TTC39C: variants seen among roughly 807,000 people sequenced by gnomAD.
TTC39C encodes the protein tetratricopeptide repeat domain 39C.
Under a neutral mutation model 76.3 loss-of-function variants are expected in TTC39C, and 33 were observed. The ratio of observed to expected loss-of-function variants is 0.43; its 90% CI spans 0.33 to 0.58. TTC39C has a LOEUF of 0.58. Ranked by LOEUF, TTC39C falls within the 20% of genes least tolerant of loss-of-function variation. The pLI is 0.04. For missense variants in TTC39C, 595 were observed against 701.4 expected (o/e 0.85, Z 1.71); for synonymous variants, 254 against 260.6 (o/e 0.97, Z 0.24).
At chr18:24,089,842 G>A (rs544517091) in intron 6 of TTC39C, among the ~76,000 whole-genome samples, 2 of 152,170 alleles carry the variant, frequency 1.3e-5, no homozygotes, top group South Asian at 4.1e-4. Context: ...GTAAGTAAGT[G>A]GGTTGTTGCA....
In TTC39C at chr18:24,132,804, G is replaced by A; in HGVS notation, c.*230G>A. 4.9e-6 allele frequency: 2 copies of A among 411,500 alleles called. No individual in the cohort carries two copies. The highest frequency in any genetic ancestry group is 8.6e-6 in the Non-Finnish European group (2 of 233,324). The allele number at this position is 411,500 out of a possible 1,614,324, so 25.5% of individuals were successfully genotyped here. A position where few individuals can be genotyped will look rare whatever the true frequency, so the allele number is the denominator to read the frequency against. On this transcript the variant is annotated 3_prime_UTR_variant, in exon 14 of 14. Transcript: ENST00000317571. ...TGATGGTAATAATAACTAACCACCT[G>A]GGGAGAGGGTTAAGTGACCTTGCTC...
chr18:24,057,960 C>T (rs572347755), intron 1 of TTC39C, among the ~76,000 whole-genome samples: 6 of 152,164 alleles, frequency 3.9e-5, no homozygotes, highest in Admixed American at 6.5e-5. Context: ...GGTACATATA[C>T]TGTGGAATAC....
intron 4 of TTC39C, among the ~76,000 whole-genome samples, chr18:24,073,505 C>T (rs1218720435): frequency 2.7e-5 from 4 of 150,884 alleles, no homozygotes; most frequent in Admixed American, 1.3e-4. Context: ...CTTTGTACAG[C>T]ATTCCCTCCT....
intron 5 of TTC39C, 75 bp from the exon 6 acceptor site, chr18:24,082,838 A>C (rs2084393419): frequency 4.1e-6 from 6 of 1,453,410 alleles, no homozygotes; most frequent in Non-Finnish European, 5.6e-6. Flanking sequence ...GGAAGAACAC[A>C]TACTGGAGTT....
intron 1 of TTC39C, chr18:24,020,426 C>A: frequency 2.1e-6 from 1 of 485,002 alleles, no homozygotes. Flanking sequence ...AACACTTGTA[C>A]AAATACACAA....
At chr18:24,086,662 C>T (rs1252547417) in intron 6 of TTC39C, among the ~76,000 whole-genome samples, 2 of 152,198 alleles carry the variant, frequency 1.3e-5, no homozygotes, top group African/African-American at 2.4e-5. Flanking sequence ...TCCCTTGTCT[C>T]GCTGCCTCCG....
intron 6 of TTC39C, among the ~76,000 whole-genome samples, chr18:24,097,754 G>A (rs2084608776): frequency 6.6e-6 from 1 of 152,152 alleles, no homozygotes; most frequent in Admixed American, 6.5e-5. Flanking sequence ...TTTTTGTAAA[G>A]TGTCAGTGAT....
upstream of TTC39C, chr18:24,014,600 G>T (rs1302746341): frequency 3.3e-6 from 1 of 300,710 alleles, no homozygotes. Flanking sequence ...CGAGTTGGGT[G>T]CTTCGGAGGG....
At chr18:24,130,632 C>T (rs985929882) in intron 12 of TTC39C, among the ~76,000 whole-genome samples, 3 of 152,040 alleles carry the variant, frequency 2.0e-5, no homozygotes, top group African/African-American at 7.2e-5. Flanking sequence ...ATTCAAATTA[C>T]AGTCATACAT....
chr18:24,092,700 G>A (rs756435094), intron 6 of TTC39C, among the ~76,000 whole-genome samples: 15 of 152,190 alleles, frequency 9.9e-5, no homozygotes, highest in Non-Finnish European at 2.1e-4. Context: ...GCAGAAAATA[G>A]ATTATTGCTT....
intron 7 of TTC39C, among the ~76,000 whole-genome samples, chr18:24,116,079 C>CT (rs1251984148): frequency 1.3e-5 from 2 of 152,190 alleles, no homozygotes; most frequent in Admixed American, 6.5e-5. Context: ...TGAGTTGGTA[C>CT]TTTTTCCTGA....
At chr18:24,116,825 T>TG (rs1355333146) in intron 7 of TTC39C, among the ~76,000 whole-genome samples, 6 of 145,506 alleles carry the variant, frequency 4.1e-5, no homozygotes, top group Non-Finnish European at 6.0e-5. Context: ...CTTAGTTTTT[T>TG]TTTTTTTTTT....
intron 3 of TTC39C, among the ~76,000 whole-genome samples, chr18:24,067,146 A>G (rs2145735487): frequency 6.6e-6 from 1 of 152,300 alleles, no homozygotes; most frequent in East Asian, 1.9e-4. Context: ...AACTTATTCA[A>G]GTTTGTTTTG....
chr18:24,011,381 C>T (rs1211273631), upstream of TTC39C, among the ~76,000 whole-genome samples: 1 of 152,176 alleles, frequency 6.6e-6, no homozygotes, highest in Non-Finnish European at 1.5e-5. Context: ...AATGCCTTCC[C>T]GCTGGATGTA....
intron 10 of TTC39C, among the ~76,000 whole-genome samples, chr18:24,127,746 G>A (rs978660200): frequency 5.9e-5 from 9 of 152,154 alleles, no homozygotes; most frequent in Non-Finnish European, 1.3e-4. Context: ...TAACTCCTGG[G>A]CTCAAGTGAT....
At chr18:24,082,454 T>A (rs557481744) in intron 5 of TTC39C, among the ~76,000 whole-genome samples, 1 of 152,328 alleles carries the variant, frequency 6.6e-6, no homozygotes, top group East Asian at 1.9e-4. Context: ...AGATTCTAGG[T>A]TTATACCCTA....
intron 1 of TTC39C, among the ~76,000 whole-genome samples, chr18:24,053,698 C>T (rs1214863370): frequency 1.3e-5 from 2 of 152,114 alleles, no homozygotes; most frequent in South Asian, 2.1e-4. Flanking sequence ...AAAAATGAGC[C>T]GATAGCCCAG....
In TTC39C at chr18:24,029,749, C is replaced by T. The variant is rs145645019; in HGVS notation, c.167+14711C>T. Among the ~76,000 whole-genome samples the T allele has an allele frequency of 1.6e-3, 245 of 152,242 alleles. 1 individual carries two copies. Among genetic ancestry groups the T allele is most frequent in the African/African-American group, 5.7e-3 (236 of 41,530 alleles). The stretch of plus-strand genomic sequence containing the variant: ...GCTCCCCCACATAAATGAGAACATA[C>T]GATGTTTGGTTTTCCATTCCTGAGT... On this transcript the variant is annotated intron_variant, in intron 1 of 13. Transcript: ENST00000317571.
chr18:24,031,122 CTTT>C (rs74423704), intron 1 of TTC39C, among the ~76,000 whole-genome samples: 1 of 139,746 alleles, frequency 7.2e-6, no homozygotes, highest in African/African-American at 2.6e-5. Flanking sequence ...ACCTTTTTTA[CTTT>C]TTTTTTTTTT....
Sources: allele counts gnomAD v4.1 joint callset (sites outside exome capture counted in the v4.1 genomes callset), GRCh38; gene constraint gnomAD v4.1.1; transcripts MANE v1.5; gene names NCBI Gene and HGNC (gene_info 2026-07-23, HGNC 2026-07-21).